The following GRID1 variants were observed in gnomAD, a reference collection of about 807,000 sequenced individuals.
The protein encoded by GRID1 is glutamate receptor ionotropic, delta-1.
Under a neutral mutation model 98.0 loss-of-function variants are expected in GRID1, and 28 were observed. That is an observed-to-expected ratio of 0.29 (90% CI 0.21 to 0.39). The LOEUF (loss-of-function observed/expected upper bound fraction) is 0.39, where lower values mean the gene tolerates loss of function less well. GRID1 is among the 10% of genes least tolerant of loss of function. The pLI, the probability that GRID1 is intolerant of heterozygous loss-of-function variation, is 1.00. For synonymous variants in GRID1, 553 were observed against 538.5 expected, an observed-to-expected ratio of 1.03 and a Z score of -0.37; for missense variants, 1,111 against 1,340.5, an observed-to-expected ratio of 0.83 and a Z score of 2.67.
chr10:85,758,341 G>A (rs527690116), intron 8 of GRID1, among the ~76,000 whole-genome samples: 14 of 152,288 alleles, frequency 9.2e-5, no homozygotes, highest in Non-Finnish European at 1.0e-4. Context: ...TCTGCTCCAT[G>A]TGCCATCAGC....
chr10:86,204,665 C>T (rs563041632), intron 3 of GRID1, among the ~76,000 whole-genome samples: 72 of 152,288 alleles, frequency 4.7e-4, no homozygotes, highest in African/African-American at 1.6e-3. Flanking sequence ...TGATCACCTG[C>T]CCTCCCAGCG....
chr10:85,666,772 C>T (rs1033091739), intron 12 of GRID1, among the ~76,000 whole-genome samples: 3 of 152,140 alleles, frequency 2.0e-5, no homozygotes, highest in African/African-American at 7.2e-5. Flanking sequence ...CTAACACTTA[C>T]GTAGTCTCAA....
chr10:86,107,416 A>T (rs1021318654), intron 4 of GRID1, among the ~76,000 whole-genome samples: 13 of 152,164 alleles, frequency 8.5e-5, no homozygotes, highest in Admixed American at 5.2e-4. Flanking sequence ...TCAGTGGCAA[A>T]CCCCACAGGG....
chr10:86,307,498 A>G (rs1370184035), intron 2 of GRID1, among the ~76,000 whole-genome samples: 3 of 152,232 alleles, frequency 2.0e-5, no homozygotes, highest in Non-Finnish European at 4.4e-5. Flanking sequence ...GTAGAACTCA[A>G]AAAAGCAGAG....
intron 4 of GRID1, among the ~76,000 whole-genome samples, chr10:86,000,521 A>T (rs1842791166): frequency 6.6e-6 from 1 of 152,202 alleles, no homozygotes; most frequent in African/African-American, 2.4e-5. Flanking sequence ...CAATTTTCAG[A>T]CTCACCATAA....
At chr10:85,978,188 T>A (rs1473371345) in intron 4 of GRID1, among the ~76,000 whole-genome samples, 1 of 152,188 alleles carries the variant, frequency 6.6e-6, no homozygotes, top group Non-Finnish European at 1.5e-5. Context: ...GTGATTTTTT[T>A]AAATCCCCCA....
intron 4 of GRID1, among the ~76,000 whole-genome samples, chr10:85,959,071 A>G (rs1422820524): frequency 1.3e-5 from 2 of 152,152 alleles, no homozygotes; most frequent in Non-Finnish European, 2.9e-5. Context: ...TCCAACCTTC[A>G]AACTTGAACT....
At chr10:85,826,932 T>A (rs1201417348) in intron 8 of GRID1, among the ~76,000 whole-genome samples, 1 of 151,962 alleles carries the variant, frequency 6.6e-6, no homozygotes, top group African/African-American at 2.4e-5. Flanking sequence ...TATGCCACAA[T>A]CAAACCCCCA....
intron 6 of GRID1, among the ~76,000 whole-genome samples, chr10:85,868,435 G>A (rs1179982300): frequency 6.6e-6 from 1 of 152,174 alleles, no homozygotes; most frequent in Non-Finnish European, 1.5e-5. Context: ...TAGGGTTGAA[G>A]GACTGACCAG....
chr10:86,174,471 C>T (rs1564697310), intron 3 of GRID1, among the ~76,000 whole-genome samples: 1 of 151,544 alleles, frequency 6.6e-6, no homozygotes, highest in Non-Finnish European at 1.5e-5. Flanking sequence ...CCCTTCCTTA[C>T]ACCTTATACA....
chr10:85,834,107 G>A lies in GRID1; in HGVS notation c.1233+20389C>T, dbSNP rs116042999. On this transcript the variant is annotated intron_variant, in intron 8 of 15. Transcript: ENST00000327946. ...AATGATTAGCAGTTTGACAAATTTC[G>A]TGGAAGATGTAAACCTGGAAATTCA... 9.4e-3 allele frequency among the ~76,000 whole-genome samples: 1,427 copies of A among 152,286 alleles called. 26 individuals carry two copies. Among genetic ancestry groups the A allele is most frequent in the African/African-American group, 0.032 (1,312 of 41,562 alleles).
At chr10:86,222,449 G>A (rs1846271331) in intron 2 of GRID1, among the ~76,000 whole-genome samples, 1 of 152,174 alleles carries the variant, frequency 6.6e-6, no homozygotes, top group Non-Finnish European at 1.5e-5. Context: ...AGTGGGTCAG[G>A]TGGGGAGGAA....
chr10:85,908,089 A>T lies in GRID1; in HGVS notation c.780+8097T>A, dbSNP rs540118694. Among the ~76,000 whole-genome samples the T allele has an allele frequency of 4.6e-5, 7 of 152,266 alleles. No homozygotes were observed. In the East Asian group the frequency reaches 1.2e-3, roughly 25 times the overall value. On this transcript the variant is annotated intron_variant, in intron 5 of 15. Transcript: ENST00000327946. ...CTAACCTGATACTTAATGATGAAAA[A>T]CTGTGTGTGTTCCCTCTAATATCAG...
chr10:85,821,083 AAAAAG>A (rs1564600671), intron 8 of GRID1, among the ~76,000 whole-genome samples: 3 of 152,156 alleles, frequency 2.0e-5, no homozygotes, highest in Admixed American at 6.5e-5. Context: ...ACTCAACAAT[AAAAAG>A]AAAAGACCTC....
At chr10:85,890,548 G>A (rs1445439236) in intron 5 of GRID1, among the ~76,000 whole-genome samples, 1 of 152,164 alleles carries the variant, frequency 6.6e-6, no homozygotes, top group Non-Finnish European at 1.5e-5. Context: ...TTTTCATTTA[G>A]TTCAGGACTA....
intron 3 of GRID1, among the ~76,000 whole-genome samples, chr10:86,167,239 A>G (rs919322747): frequency 6.6e-6 from 1 of 152,350 alleles, no homozygotes; most frequent in South Asian, 2.1e-4. Flanking sequence ...GTGTCCATCC[A>G]GTCAGGAGGC....
intron 4 of GRID1, among the ~76,000 whole-genome samples, chr10:86,084,983 A>C (rs1190702812): frequency 6.6e-6 from 1 of 152,210 alleles, no homozygotes; most frequent in Non-Finnish European, 1.5e-5. Context: ...CTGAAAATGT[A>C]CCTAATGCCC....
intron 4 of GRID1, among the ~76,000 whole-genome samples, chr10:86,066,536 A>G (rs1564664622): frequency 6.6e-6 from 1 of 152,166 alleles, no homozygotes; most frequent in Non-Finnish European, 1.5e-5. Flanking sequence ...GGGAGGTCAA[A>G]CCCAAGTTTG....
intron 2 of GRID1, among the ~76,000 whole-genome samples, chr10:86,265,667 G>A (rs1408725986): frequency 2.0e-5 from 3 of 152,226 alleles, no homozygotes; most frequent in African/African-American, 7.2e-5. Context: ...GAGCCCCTCA[G>A]GGGATGGTTT....
Sources: allele counts gnomAD v4.1 joint callset (sites outside exome capture counted in the v4.1 genomes callset), GRCh38; gene constraint gnomAD v4.1.1; transcripts MANE v1.5; gene names NCBI Gene and HGNC (gene_info 2026-07-23, HGNC 2026-07-21).